FSD1L: variants seen among roughly 807,000 people sequenced by gnomAD.
FSD1L encodes the protein fibronectin type III and SPRY domain containing 1 like.
A neutral mutation model predicts 71.6 loss-of-function variants in FSD1L; 45 were observed. The ratio of observed to expected loss-of-function variants is 0.63; its 90% CI spans 0.49 to 0.81. The LOEUF (loss-of-function observed/expected upper bound fraction) is 0.81, where lower values mean the gene tolerates loss of function less well. FSD1L is among the 30% of genes least tolerant of loss of function. The probability of loss-of-function intolerance (pLI) is 0.00; values close to 1 mark genes in which losing one functional copy is unlikely to be tolerated. For missense variants in FSD1L, 561 were observed against 618.1 expected (o/e 0.91, Z 0.98); for synonymous variants, 197 against 207.2 (o/e 0.95, Z 0.42).
At chr9:105,544,057 A>G (rs1468113232) in intron 13 of FSD1L, among the ~76,000 whole-genome samples, 1 of 152,180 alleles carries the variant, frequency 6.6e-6, no homozygotes, top group East Asian at 1.9e-4. Context: ...CAACAGTGTA[A>G]AAGTGTTCCT....
At chr9:105,462,675 A>C (rs1232166166) in intron 2 of FSD1L, among the ~76,000 whole-genome samples, 1 of 149,416 alleles carries the variant, frequency 6.7e-6, no homozygotes, top group Non-Finnish European at 1.5e-5. Flanking sequence ...GGTGCATGCT[A>C]CCACGCCTGG....
Position 105,463,542 on chromosome 9 carries a change from T to TTG in FSD1L, c.112-693_112-692insGT. On this transcript the variant is annotated intron_variant, in intron 2 of 13. Coordinates refer to ENST00000481272, the MANE Select transcript of FSD1L (RefSeq NM_001145313.3). Reference sequence around the variant, plus strand: ...GTTCTAGTCACATTTCAAGACTTCTTTAACTGTGTGTGGCTAGTGGCTACC... The same window carrying TTG: ...GTTCTAGTCACATTTCAAGACTTCTTTGTAACTGTGTGTGGCTAGTGGCTACC... Among the ~76,000 whole-genome samples the TTG allele has an allele frequency of 1.3e-5, 2 of 152,250 alleles. 1 individual carries two copies. Among genetic ancestry groups the TTG allele is most frequent in the East Asian group, 3.8e-4 (2 of 5,196 alleles).
chr9:105,473,464 C>T (rs1186329053), intron 5 of FSD1L: 1 of 152,146 alleles, frequency 6.6e-6, no homozygotes, highest in Non-Finnish European at 1.5e-5. Flanking sequence ...GAGTTAATGT[C>T]CTCTATTCAA....
intron 7 of FSD1L, among the ~76,000 whole-genome samples, chr9:105,499,836 C>T (rs747790129): frequency 3.3e-5 from 5 of 152,004 alleles, no homozygotes; most frequent in African/African-American, 4.8e-5. Flanking sequence ...TTCGTACTTC[C>T]ACAGTAAATT....
intron 11 of FSD1L, among the ~76,000 whole-genome samples, 153 bp from the exon 12 acceptor site, chr9:105,534,914 C>G (rs982670708): frequency 2.0e-5 from 3 of 152,152 alleles, no homozygotes; most frequent in African/African-American, 7.2e-5. Context: ...AGCAGGTACT[C>G]AGCATTTAAT....
At chr9:105,456,576 A>G (rs895485164) in intron 1 of FSD1L, among the ~76,000 whole-genome samples, 2 of 152,172 alleles carry the variant, frequency 1.3e-5, no homozygotes, top group Non-Finnish European at 2.9e-5. Flanking sequence ...ATTCCATAAC[A>G]GTGGTTGCAG....
In FSD1L at chr9:105,551,400, C is replaced by T. The variant is rs922215303; in HGVS notation, c.*4917C>T. On this transcript the variant is annotated 3_prime_UTR_variant, in exon 14 of 14. Coordinates refer to ENST00000481272, the MANE Select transcript of FSD1L (RefSeq NM_001145313.3). The stretch of plus-strand genomic sequence containing the variant: ...GTTTATCATCTTTGGGTCTCTATTG[C>T]CTTCTTTATAAAATAAGTGTAAGTT... 2 of 151,630 alleles carry T rather than the reference C, an allele frequency of 1.3e-5. No individual in the cohort carries two copies. Among genetic ancestry groups the T allele is most frequent in the Admixed American group, 1.3e-4 (2 of 15,180 alleles). The allele number at this position is 151,630 out of a possible 1,614,324, so 9.4% of individuals were successfully genotyped here.
chr9:105,522,618 G>C (rs973909706), intron 10 of FSD1L: 4 of 1,612,906 alleles, frequency 2.5e-6, no homozygotes, highest in Non-Finnish European at 2.5e-6. Flanking sequence ...TTTGAATGAG[G>C]AGCAGCCATT....
chr9:105,472,175 T>A (rs1831520918), intron 5 of FSD1L, 170 bp downstream of exon 5: 2 of 758,124 alleles, frequency 2.6e-6, no homozygotes, highest in Non-Finnish European at 3.8e-6. Flanking sequence ...AGCAAACACT[T>A]AGAAGTGTGT....
intron 2 of FSD1L, among the ~76,000 whole-genome samples, chr9:105,464,011 G>A (rs1301284344): frequency 1.3e-5 from 2 of 152,112 alleles, no homozygotes; most frequent in African/African-American, 2.4e-5. Context: ...GTATCATGGT[G>A]ATTAAGTTGC....
chr9:105,523,114 A>G (rs1412304998), intron 10 of FSD1L: 1 of 1,613,916 alleles, frequency 6.2e-7, no homozygotes, highest in African/African-American at 1.3e-5. Context: ...GCTGAAGAGC[A>G]GGAAGTGGCT....
chr9:105,509,836 T>C (rs1056065804), intron 9 of FSD1L, among the ~76,000 whole-genome samples: 5 of 152,184 alleles, frequency 3.3e-5, no homozygotes, highest in South Asian at 4.1e-4. Flanking sequence ...CAAACTGAGA[T>C]GTTATTGTGG....
At chr9:105,470,382 G>C (rs1831374448) in intron 4 of FSD1L, among the ~76,000 whole-genome samples, 1 of 152,130 alleles carries the variant, frequency 6.6e-6, no homozygotes, top group African/African-American at 2.4e-5. Context: ...TCCAATCTAT[G>C]AACATGAATG....
chr9:105,487,464 A>G (rs1832626866), intron 7 of FSD1L, among the ~76,000 whole-genome samples: 1 of 151,290 alleles, frequency 6.6e-6, no homozygotes, highest in Non-Finnish European at 1.5e-5. Flanking sequence ...CAAATGTGTT[A>G]TGATTGTTTT....
chr9:105,533,908 A>G (rs1035766064), intron 10 of FSD1L, among the ~76,000 whole-genome samples: 29 of 152,002 alleles, frequency 1.9e-4, no homozygotes, highest in Non-Finnish European at 7.4e-5. Flanking sequence ...TTTTTAGTAG[A>G]GATGGGGTTT....
chr9:105,534,107 G>A (rs559139793), intron 10 of FSD1L, among the ~76,000 whole-genome samples: 2 of 152,314 alleles, frequency 1.3e-5, no homozygotes, highest in Admixed American at 6.5e-5. Context: ...AGGATTATAA[G>A]AAGAAACCTA....
At chr9:105,523,935 A>C in intron 10 of FSD1L, 1 of 1,591,872 alleles carries the variant, frequency 6.3e-7, no homozygotes, top group African/African-American at 1.3e-5. Context: ...AGCTTTTCTC[A>C]ATGCACCAAG....
In FSD1L at chr9:105,509,350, C is replaced by T. The variant is rs75735855; in HGVS notation, c.895+635C>T. On this transcript the variant is annotated intron_variant, in intron 9 of 13. Coordinates refer to ENST00000481272, the MANE Select transcript of FSD1L (RefSeq NM_001145313.3). ...GCCAGCCCTTACTATGAGCCTGGAA[C>T]CTAGGTTCTTCTAGTCTCTGAAAGC... is the stretch of plus-strand genomic sequence containing the variant. Among the ~76,000 whole-genome samples, 1,262 of 152,222 alleles carry T rather than the reference C, an allele frequency of 8.3e-3. 20 individuals are homozygous for T. The highest frequency in any genetic ancestry group is 0.029 in the African/African-American group (1,206 of 41,544).
At chr9:105,470,896 T>G (rs1412640224) in intron 4 of FSD1L, among the ~76,000 whole-genome samples, 2 of 152,246 alleles carry the variant, frequency 1.3e-5, no homozygotes, top group Non-Finnish European at 2.9e-5. Flanking sequence ...CAGCATCACC[T>G]GAAGATCCAA....
Sources: allele counts gnomAD v4.1 joint callset (sites outside exome capture counted in the v4.1 genomes callset), GRCh38; gene constraint gnomAD v4.1.1; transcripts MANE v1.5; gene names NCBI Gene and HGNC (gene_info 2026-07-23, HGNC 2026-07-21).